ITPRIPL2: variants seen among roughly 807,000 people sequenced by gnomAD.
ITPRIPL2 encodes inositol 1,4,5-trisphosphate receptor-interacting protein-like 2.
A neutral mutation model predicts 31.7 loss-of-function variants in ITPRIPL2; 29 were observed. That is an observed-to-expected ratio of 0.91 (90% CI 0.68 to 1.25). The LOEUF (loss-of-function observed/expected upper bound fraction) is 1.25. Ranked by LOEUF, ITPRIPL2 falls within the 50% of genes most tolerant of loss-of-function variation. ITPRIPL2 has a pLI of 0.00. For missense variants in ITPRIPL2, 696 were observed against 739.1 expected, an observed-to-expected ratio of 0.94 and a Z score of 0.68; for synonymous variants, 344 against 343.4, an observed-to-expected ratio of 1.00 and a Z score of -0.02.
rs781035640 is a variant in ITPRIPL2 at position 19,114,727 on chromosome 16, C to T, written c.266C>T (p.Ser89Leu). The T allele has an allele frequency of 7.4e-6, 12 of 1,612,448 alleles. No homozygotes were observed. Among genetic ancestry groups the T allele is most frequent in the Middle Eastern group, 1.6e-4 (1 of 6,082 alleles). ...CTGGAGGGTCACGCCGCCTTCTCCT[C>T]GAGACACTTCCGAGAGCCGGGCCTC... The part of the protein sequence containing the change: ...PRLEGHAAFS[S>L]RHFREPGLSI... The change falls in exon 1 of 1, where the codon TCG (serine) becomes TTG (leucine). Residue 89 changes from serine (S) to leucine (L), a missense_variant. By Grantham distance (145) the Ser-to-Leu change is moderately radical. Coordinates refer to ENST00000381440, the MANE Select transcript of ITPRIPL2 (RefSeq NM_001034841.4).
At position 19,117,274 on chromosome 16, in the gene ITPRIPL2, T is replaced by G. The variant is rs1963456447; in HGVS notation, c.*1205T>G. 1.8e-5 allele frequency: 3 copies of G among 167,162 alleles called. No homozygotes were observed. Among genetic ancestry groups the G allele is most frequent in the African/African-American group, 7.2e-5 (3 of 41,468 alleles). The allele number at this position is 167,162 out of a possible 1,614,324, so 10.4% of individuals were successfully genotyped here. A position where few individuals can be genotyped will look rare whatever the true frequency, so the allele number is the denominator to read the frequency against. On this transcript the variant is annotated 3_prime_UTR_variant, in exon 1 of 1. Transcript: ENST00000381440. Reference sequence around the variant, plus strand: ...TTACGTGGTCCAAGAGACCTGTTGATTCAGCACAGGTCTTGCAAAACATTT... The same window carrying G: ...TTACGTGGTCCAAGAGACCTGTTGAGTCAGCACAGGTCTTGCAAAACATTT...
Position 19,119,166 on chromosome 16 carries a change from A to G in ITPRIPL2, c.*3097A>G, listed in dbSNP as rs1256893651. 1 of 412,688 alleles carries G rather than the reference A, an allele frequency of 2.4e-6. No individual in the cohort carries two copies. Among genetic ancestry groups the G allele is most frequent in the Non-Finnish European group, 4.4e-6 (1 of 225,952 alleles). 25.6% of individuals were successfully genotyped at this position (412,688 alleles called of 1,614,324 possible). ...TGGGCTGAGCGGAGATGTTTTTTGC[A>G]AAATGAAACTGAAGCTGAAAGAAAG... On this transcript the variant is annotated 3_prime_UTR_variant, in exon 1 of 1. Coordinates refer to ENST00000381440, the MANE Select transcript of ITPRIPL2 (RefSeq NM_001034841.4).
At position 19,114,063 on chromosome 16, in the gene ITPRIPL2, G is replaced by C. The variant is rs769225548; in HGVS notation, c.-399G>C. On this transcript the variant is annotated 5_prime_UTR_variant, in exon 1 of 1. Transcript: ENST00000381440. ...CCCCCTCGGAAGAGGAAACTCCCGG[G>C]GTCCGAGTAACAGGGTCAGGCGCGG... The C allele has an allele frequency of 3.0e-5, 12 of 397,726 alleles. No homozygotes were observed. The highest frequency in any genetic ancestry group is 5.3e-5 in the Non-Finnish European group (12 of 225,538). The allele number at this position is 397,726 out of a possible 1,614,324, so 24.6% of individuals were successfully genotyped here.
Position 19,115,951 on chromosome 16 carries a change from T to G in ITPRIPL2, c.1490T>G (p.Leu497Arg). ...HARELAAARL[L>R]STWQRLPQLL... is the part of the protein sequence containing the mutation. ...CGGGAACTTGCAGCAGCGCGGTTGC[T>G]GTCCACGTGGCAAAGGCTGCCCCAG... The change falls in exon 1 of 1, where the codon CTG (leucine) becomes CGG (arginine). Residue 497 changes from leucine to arginine, a missense_variant. By Grantham distance (102) the Leu-to-Arg change is moderately radical. Coordinates refer to ENST00000381440, the MANE Select transcript of ITPRIPL2 (RefSeq NM_001034841.4). 6.2e-7 allele frequency: 1 copy of G among 1,612,908 alleles called. No homozygotes were observed. Among genetic ancestry groups the G allele is most frequent in the Non-Finnish European group, 8.5e-7 (1 of 1,179,844 alleles).
At position 19,116,861 on chromosome 16, in the gene ITPRIPL2, G is replaced by A. The variant is rs1324554701; in HGVS notation, c.*792G>A. 1.2e-5 allele frequency: 2 copies of A among 167,092 alleles called. No individual in the cohort carries two copies. Among genetic ancestry groups the A allele is most frequent in the Non-Finnish European group, 2.9e-5 (2 of 68,116 alleles). The allele number at this position is 167,092 out of a possible 1,614,324, so 10.4% of individuals were successfully genotyped here. A position where few individuals can be genotyped will look rare whatever the true frequency, so the allele number is the denominator to read the frequency against. On this transcript the variant is annotated 3_prime_UTR_variant, in exon 1 of 1. Transcript: ENST00000381440. ...TACAACCTTGAAAAGCAGCCAGCATGCTTGCCTAACTAACATCGCCGCAGG... is the reference window on the plus strand; with the variant it reads ...TACAACCTTGAAAAGCAGCCAGCATACTTGCCTAACTAACATCGCCGCAGG...
chr16:19,115,071 C>T lies in ITPRIPL2; in HGVS notation c.610C>T (p.Arg204Cys). 3.8e-6 allele frequency: 6 copies of T among 1,598,910 alleles called. No homozygotes were observed. Among genetic ancestry groups the T allele is most frequent in the Non-Finnish European group, 5.1e-6 (6 of 1,179,404 alleles). Residue 204 changes from arginine (R) to cysteine (C), a missense_variant, in exon 1 of 1, where the codon CGC (arginine) becomes TGC (cysteine). Transcript: ENST00000381440. ...GEEPALAPAF[R>C]GCFLCALKAP... ...GGAGCCAGCGCTGGCCCCGGCCTTCCGCGGCTGCTTCTTGTGCGCCCTCAA... is the reference window on the plus strand; with the variant it reads ...GGAGCCAGCGCTGGCCCCGGCCTTCTGCGGCTGCTTCTTGTGCGCCCTCAA...
At position 19,116,248 on chromosome 16, in the gene ITPRIPL2, T is replaced by G; in HGVS notation, c.*179T>G. 1 of 621,014 alleles carries G rather than the reference T, an allele frequency of 1.6e-6. No individual in the cohort carries two copies. The highest frequency in any genetic ancestry group is 2.8e-6 in the Non-Finnish European group (1 of 354,530). 38.5% of individuals were successfully genotyped at this position (621,014 alleles called of 1,614,324 possible). On this transcript the variant is annotated 3_prime_UTR_variant, in exon 1 of 1. Coordinates refer to ENST00000381440, the MANE Select transcript of ITPRIPL2 (RefSeq NM_001034841.4). ...TCTCGCTTCACAGTCCAGTATAATA[T>G]GACATCTTCACACCCACTAGAGTGT...
At position 19,115,869 on chromosome 16, in the gene ITPRIPL2, A is replaced by G. The variant is rs1302034728; in HGVS notation, c.1408A>G (p.Lys470Glu). 1 of 1,612,024 alleles carries G rather than the reference A, an allele frequency of 6.2e-7. No individual in the cohort carries two copies. The highest frequency in any genetic ancestry group is 8.5e-7 in the Non-Finnish European group (1 of 1,179,704). The change falls in exon 1 of 1, where the codon AAG becomes GAG. Residue 470 changes from lysine (K) to glutamate (E), a missense_variant. Lys to Glu is a moderately conservative substitution (Grantham distance 56, BLOSUM62 1). Transcript: ENST00000381440. ...GGCTGCCGAGGTGGGTCCCCTGCCC[A>G]AGGCACTGAGGGAAGCCGCCCCAGT... ...GAAAEVGPLP[K>E]ALREAAPVDL...
rs992657318 is a variant in ITPRIPL2 at position 19,118,862 on chromosome 16, G to A, written c.*2793G>A. On this transcript the variant is annotated 3_prime_UTR_variant, in exon 1 of 1. Coordinates refer to ENST00000381440, the MANE Select transcript of ITPRIPL2 (RefSeq NM_001034841.4). ...TTAGCCAGGCATGATGGTTGCCCAA[G>A]ACAGTTAAATTAAGCTCAATTCTGT... is the stretch of plus-strand genomic sequence containing the variant. 4.9e-6 allele frequency: 2 copies of A among 411,700 alleles called. No homozygotes were observed. Among genetic ancestry groups the A allele is most frequent in the Non-Finnish European group, 8.9e-6 (2 of 225,586 alleles). 25.5% of individuals were successfully genotyped at this position (411,700 alleles called of 1,614,324 possible). A position where few individuals can be genotyped will look rare whatever the true frequency, so the allele number is the denominator to read the frequency against.
Position 19,116,091 on chromosome 16 carries a change from G to A in ITPRIPL2, c.*22G>A. On this transcript the variant is annotated 3_prime_UTR_variant, in exon 1 of 1. Transcript: ENST00000381440. Reference sequence around the variant, plus strand: ...GTAAACCCTGACAGCACCCCCACCTGACCAAATGCTCCTAAAGCCTTTCCC... The same window carrying A: ...GTAAACCCTGACAGCACCCCCACCTAACCAAATGCTCCTAAAGCCTTTCCC... The A allele has an allele frequency of 6.5e-7, 1 of 1,541,690 alleles. No homozygotes were observed. The highest frequency in any genetic ancestry group is 8.8e-7 in the Non-Finnish European group (1 of 1,141,806).
At position 19,119,065 on chromosome 16, in the gene ITPRIPL2, G is replaced by T; in HGVS notation, c.*2996G>T. On this transcript the variant is annotated 3_prime_UTR_variant, in exon 1 of 1. Coordinates refer to ENST00000381440, the MANE Select transcript of ITPRIPL2 (RefSeq NM_001034841.4). ...GGAGGAAAATGTTTCTGGGGAAGAT[G>T]ACTCAGTCATTTTGTGGCGAGACAC... 1 of 413,490 alleles carries T rather than the reference G, an allele frequency of 2.4e-6. No individual in the cohort carries two copies. The highest frequency in any genetic ancestry group is 1.3e-4 in the South Asian group (1 of 7,832). 25.6% of individuals were successfully genotyped at this position (413,490 alleles called of 1,614,324 possible).
In ITPRIPL2 at chr16:19,115,805, C is replaced by A. The variant is rs771267041; in HGVS notation, c.1344C>A (p.Arg448=). 2.5e-6 allele frequency: 4 copies of A among 1,612,828 alleles called. No homozygotes were observed. In the African/African-American group the frequency reaches 5.3e-5, roughly 22 times the overall value. ...VQFLRDCLLR[R]HTLFHCVLGP... is the part of the protein sequence containing the mutation. ...TCCTTAGGGACTGCCTGCTGCGACG[C>A]CATACGCTCTTCCACTGCGTCCTGG... Residue 448 remains arginine (R), a synonymous_variant, in exon 1 of 1, where the codon CGC becomes CGA. Transcript: ENST00000381440.
chr16:19,120,035 G>A lies in ITPRIPL2; in HGVS notation c.*3966G>A, dbSNP rs1963493818. ...GGGATGATTGGTGGCTAGATTTGGGGTGCAAGCTTCTTAGGCTCATACCAT... is the reference window on the plus strand; with the variant it reads ...GGGATGATTGGTGGCTAGATTTGGGATGCAAGCTTCTTAGGCTCATACCAT... On this transcript the variant is annotated 3_prime_UTR_variant, in exon 1 of 1. Transcript: ENST00000381440. 1.2e-5 allele frequency: 2 copies of A among 167,020 alleles called. No individual in the cohort carries two copies. The highest frequency in any genetic ancestry group is 4.8e-5 in the African/African-American group (2 of 41,428). 10.3% of individuals were successfully genotyped at this position (167,020 alleles called of 1,614,324 possible). A position where few individuals can be genotyped will look rare whatever the true frequency, so the allele number is the denominator to read the frequency against.
At position 19,114,562 on chromosome 16, in the gene ITPRIPL2, G is replaced by T. The variant is rs1216588353; in HGVS notation, c.101G>T (p.Gly34Val). ...CTCTACCATGTCCTGCGGGGAAGCG[G>T]GGGCGCCCGGGCCGAGCCCGCCGAC... ...VCLYHVLRGS[G>V]GARAEPADGV... Residue 34 changes from glycine to valine, a missense_variant, in exon 1 of 1, where the codon GGG becomes GTG. By Grantham distance (109) the Gly-to-Val change is moderately radical (BLOSUM62 -3). Coordinates refer to ENST00000381440, the MANE Select transcript of ITPRIPL2 (RefSeq NM_001034841.4). The T allele has an allele frequency of 5.2e-6, 8 of 1,544,894 alleles. No homozygotes were observed. Among genetic ancestry groups the T allele is most frequent in the African/African-American group, 1.4e-5 (1 of 73,962 alleles).
Position 19,116,955 on chromosome 16 carries a change from G to A in ITPRIPL2, c.*886G>A, listed in dbSNP as rs1251775234. 6.0e-6 allele frequency: 1 copy of A among 167,138 alleles called. No individual in the cohort carries two copies. Among genetic ancestry groups the A allele is most frequent in the Non-Finnish European group, 1.5e-5 (1 of 68,134 alleles). The allele number at this position is 167,138 out of a possible 1,614,324, so 10.4% of individuals were successfully genotyped here. ...AAACTACCTACTACCAGCCAGAGATGTCTGGAACCAAAGTAGCAACCAAAT... is the reference window on the plus strand; with the variant it reads ...AAACTACCTACTACCAGCCAGAGATATCTGGAACCAAAGTAGCAACCAAAT... On this transcript the variant is annotated 3_prime_UTR_variant, in exon 1 of 1. Transcript: ENST00000381440.
rs975026019 is a variant in ITPRIPL2 at position 19,114,306 on chromosome 16, G to C, written c.-156G>C. 10 of 439,260 alleles carry C rather than the reference G, an allele frequency of 2.3e-5. No homozygotes were observed. The highest frequency in any genetic ancestry group is 3.4e-5 in the Non-Finnish European group (9 of 265,652). The allele number at this position is 439,260 out of a possible 1,614,324, so 27.2% of individuals were successfully genotyped here. ...TGAGCTGGGAGAGGAGGCCGAGCTGGAGGGCGGCCTCCCTCGGGCCTGCGT... is the reference window on the plus strand; with the variant it reads ...TGAGCTGGGAGAGGAGGCCGAGCTGCAGGGCGGCCTCCCTCGGGCCTGCGT... On this transcript the variant is annotated 5_prime_UTR_variant, in exon 1 of 1. Transcript: ENST00000381440.
rs1476396218 is a variant in ITPRIPL2 at position 19,114,433 on chromosome 16, C to T, written c.-29C>T. The T allele has an allele frequency of 5.0e-6, 7 of 1,387,706 alleles. No individual in the cohort carries two copies. The highest frequency in any genetic ancestry group is 6.5e-6 in the Non-Finnish European group (7 of 1,073,228). The allele number at this position is 1,387,706 out of a possible 1,614,324, so 86.0% of individuals were successfully genotyped here. On this transcript the variant is annotated 5_prime_UTR_variant, in exon 1 of 1. Coordinates refer to ENST00000381440, the MANE Select transcript of ITPRIPL2 (RefSeq NM_001034841.4). The stretch of plus-strand genomic sequence containing the variant: ...CCGCCGGGGCTTGCCCCCTGGGCTG[C>T]TCGGCCACCGCCGCCCCGGGCGCCC...
In ITPRIPL2 at chr16:19,115,577, C is replaced by T. The variant is rs1963430265; in HGVS notation, c.1116C>T (p.Tyr372=). The T allele has an allele frequency of 6.2e-7, 1 of 1,604,722 alleles. No individual in the cohort carries two copies. The highest frequency in any genetic ancestry group is 8.5e-7 in the Non-Finnish European group (1 of 1,178,786). ...LQERAAPGAC[Y]LKCLQLLKAL... ...AACGGGCAGCTCCAGGTGCCTGCTACCTCAAGTGCCTGCAGTTGCTTAAGG... is the reference window on the plus strand; with the variant it reads ...AACGGGCAGCTCCAGGTGCCTGCTATCTCAAGTGCCTGCAGTTGCTTAAGG... The change falls in exon 1 of 1, where the codon TAC becomes TAT. Residue 372 remains tyrosine, a synonymous_variant. Coordinates refer to ENST00000381440, the MANE Select transcript of ITPRIPL2 (RefSeq NM_001034841.4).
rs1413797629 is a variant in ITPRIPL2 at position 19,116,409 on chromosome 16, A to C, written c.*340A>C. The C allele has an allele frequency of 7.0e-6, 2 of 286,476 alleles. No individual in the cohort carries two copies. Among genetic ancestry groups the C allele is most frequent in the Non-Finnish European group, 1.4e-5 (2 of 146,292 alleles). The allele number at this position is 286,476 out of a possible 1,614,324, so 17.7% of individuals were successfully genotyped here. The stretch of plus-strand genomic sequence containing the variant: ...GAAGAAGCAAGAACTAGCTGCAGGG[A>C]AAGTTCCTTCTGTCGGTTTTTAGAC... On this transcript the variant is annotated 3_prime_UTR_variant, in exon 1 of 1. Coordinates refer to ENST00000381440, the MANE Select transcript of ITPRIPL2 (RefSeq NM_001034841.4).
Sources: allele counts gnomAD v4.1 joint callset, GRCh38; gene constraint gnomAD v4.1.1; transcripts MANE v1.5; gene names NCBI Gene and HGNC (gene_info 2026-07-23, HGNC 2026-07-21).